Variants in NKX6-3 observed in about 807,000 individuals in gnomAD.
The protein encoded by NKX6-3 is NK6 homeobox 3, also known as homeobox protein Nkx-6.3.
Under a neutral mutation model 22.0 loss-of-function variants are expected in NKX6-3, and 17 were observed. That is an observed-to-expected ratio of 0.77 (90% CI 0.53 to 1.16). The LOEUF is 1.16. Ranked by LOEUF, NKX6-3 falls within the 50% of genes most tolerant of loss-of-function variation. The probability of loss-of-function intolerance (pLI) is 0.00; values close to 1 mark genes in which losing one functional copy is unlikely to be tolerated. For synonymous variants in NKX6-3, 177 were observed against 167.2 expected (o/e 1.06, Z -0.45); for missense variants, 363 against 359.0 (o/e 1.01, Z -0.09).
In NKX6-3 at chr8:41,646,409, C is replaced by A. The variant is rs535749736; in HGVS notation, c.*40G>T. The A allele has an allele frequency of 3.2e-6, 5 of 1,555,808 alleles. No individual in the cohort carries two copies. The highest frequency in any genetic ancestry group is 4.3e-6 in the Non-Finnish European group (5 of 1,155,800). ...GAAGGTAGGCTCCTCGGCGTCCCCC[C>A]GCAGGCTGCAGCCAGGATCCCGGGC... On this transcript the variant is annotated 3_prime_UTR_variant, in exon 3 of 3. Coordinates refer to ENST00000518699, the MANE Select transcript of NKX6-3 (RefSeq NM_001364841.2).
chr8:41,646,810 C>G, intron 2 of NKX6-3, 116 bp from the exon 3 acceptor site: 2 of 1,391,702 alleles, frequency 1.4e-6, no homozygotes, highest in Non-Finnish European at 1.9e-6. Context: ...CTGTCACATT[C>G]ACGTTTCTGT....
chr8:41,650,062 C>T, intron 1 of NKX6-3, 49 bp downstream of exon 1: 11 of 1,495,978 alleles, frequency 7.4e-6, no homozygotes, highest in Non-Finnish European at 9.8e-6. Context: ...CCTCTGCCCC[C>T]CGGGGCCTGG....
rs552914821 is a variant in NKX6-3 at position 41,650,402 on chromosome 8, C to G, written c.91G>C (p.Val31Leu). 6.5e-7 allele frequency: 1 copy of G among 1,535,696 alleles called. No individual in the cohort carries two copies. Among genetic ancestry groups the G allele is most frequent in the Admixed American group, 2.0e-5 (1 of 50,976 alleles). The change falls in exon 1 of 3, where the codon GTG becomes CTG. Residue 31 changes from valine (V) to leucine (L), a missense_variant. This residue lies in a region of NKX6-3 where 175 missense variants were observed against 160.9 expected (regional missense o/e 1.09). Transcript: ENST00000518699. ...EMKAPVCQYS[V>L]QNSFYKLSPP... Reference sequence around the variant, plus strand: ...CTGAGCTTGTAGAAGGAGTTCTGCACAGAGTACTGGCACACCGGGGCCTTC... The same window carrying G: ...CTGAGCTTGTAGAAGGAGTTCTGCAGAGAGTACTGGCACACCGGGGCCTTC...
At chr8:41,649,639 C>T (rs560582882) in intron 1 of NKX6-3, among the ~76,000 whole-genome samples, 300 of 152,198 alleles carry the variant, frequency 2.0e-3, no homozygotes, top group Non-Finnish European at 3.1e-3. Context: ...AGGCTGGACC[C>T]GGATGGGGTC....
chr8:41,647,371 C>T (rs780292486), intron 2 of NKX6-3: 38 of 1,541,420 alleles, frequency 2.5e-5, no homozygotes, highest in Non-Finnish European at 3.2e-5. Context: ...GGCCCGTCGC[C>T]GAGTCACTGA....
chr8:41,646,931 CCCTCCCCCTCCCCTCCCCCT>C (rs1350262286), intron 2 of NKX6-3, among the ~76,000 whole-genome samples: 53 of 26,986 alleles, frequency 2.0e-3, no homozygotes, highest in African/African-American at 8.2e-3. Context: ...CTCTCCCTCC[CCCTCCCCCTCCCCTCCCCCT>C]CCCCCTCCCC....
At chr8:41,647,434 G>T (rs571571957) in intron 2 of NKX6-3, 16 of 1,393,510 alleles carry the variant, frequency 1.1e-5, no homozygotes, top group Admixed American at 3.0e-5. Flanking sequence ...GGTAGAAACC[G>T]GTTTCCCCGG....
chr8:41,650,464 A>G lies in NKX6-3; in HGVS notation c.29T>C (p.Leu10Pro). 6.5e-7 allele frequency: 1 copy of G among 1,535,678 alleles called. No homozygotes were observed. The highest frequency in any genetic ancestry group is 1.4e-5 in the African/African-American group (1 of 73,146). ...CTGAGCCAGCGGCGTGTTGTTCAGC[A>G]GGAACGTCCCCTGCAGGTTGGACTC... is the stretch of plus-strand genomic sequence containing the variant. MESNLQGTF[L>P]LNNTPLAQFP... The change falls in exon 1 of 3, where the codon CTG becomes CCG. Residue 10 changes from leucine (L) to proline (P), a missense_variant. By Grantham distance (98) the Leu-to-Pro change is moderately conservative (BLOSUM62 -3). Coordinates refer to ENST00000518699, the MANE Select transcript of NKX6-3 (RefSeq NM_001364841.2).
chr8:41,650,620 C>G lies in NKX6-3; in HGVS notation c.-128G>C, dbSNP rs972102793. ...CTCCGAGCTCCTGACTGCCTCCCACCTAAGGCATGGGCCAGGCCCTGGCCC... is the reference window on the plus strand; with the variant it reads ...CTCCGAGCTCCTGACTGCCTCCCACGTAAGGCATGGGCCAGGCCCTGGCCC... On this transcript the variant is annotated 5_prime_UTR_variant, in exon 1 of 3. The change abolishes the stop of an existing upstream ORF in the 5' untranslated region. Transcript: ENST00000518699. The G allele has an allele frequency of 2.4e-5, 23 of 975,716 alleles. No individual in the cohort carries two copies. In the African/African-American group the frequency reaches 3.5e-4, roughly 15 times the overall value. 60.4% of individuals were successfully genotyped at this position (975,716 alleles called of 1,614,324 possible).
At chr8:41,648,013 T>C in intron 2 of NKX6-3, 53 bp downstream of exon 2, 1 of 1,467,878 alleles carries the variant, frequency 6.8e-7, no homozygotes, top group Non-Finnish European at 9.1e-7. Flanking sequence ...AGTGGCCTCC[T>C]GTCCGGCAGG....
At position 41,650,141 on chromosome 8, in the gene NKX6-3, CT is replaced by C. The variant is rs1345553392; in HGVS notation, c.351del (p.Asp118ThrfsTer15). On this transcript the variant is annotated frameshift_variant, in exon 1 of 3. Coordinates refer to ENST00000518699, the MANE Select transcript of NKX6-3 (RefSeq NM_001364841.2). LOFTEE classifies it high-confidence loss of function. ...CTGCACTGCCGCCCGCCTCGCCAGT[CT>C]TGGCCCGTGTCCGCCCAGCAGTTCC... ...RTRNCWADTG[Q>X]DWRGGRQCSN... 2 of 1,535,560 alleles carry C rather than the reference CT, an allele frequency of 1.3e-6. No homozygotes were observed. The highest frequency in any genetic ancestry group is 2.7e-5 in the African/African-American group (2 of 73,130).
intron 2 of NKX6-3, 99 bp from the exon 3 acceptor site, chr8:41,646,793 G>T: frequency 6.9e-7 from 1 of 1,444,422 alleles, no homozygotes; most frequent in East Asian, 2.5e-5. Flanking sequence ...GCTCAACAAC[G>T]GAGTGACTGT....
intron 1 of NKX6-3, among the ~76,000 whole-genome samples, chr8:41,649,247 T>G (rs1804267267): frequency 6.6e-6 from 1 of 152,022 alleles, no homozygotes; most frequent in South Asian, 2.1e-4. Flanking sequence ...GGGGGACAGG[T>G]GTGCTTTTGG....
At chr8:41,648,001 G>T (rs756568087) in intron 2 of NKX6-3, 65 bp downstream of exon 2, 9 of 1,419,992 alleles carry the variant, frequency 6.3e-6, no homozygotes, top group Non-Finnish European at 8.5e-6. Context: ...TCTCTCCAAC[G>T]CAGTGGCCTC....
chr8:41,648,170 G>C lies in NKX6-3; in HGVS notation c.448C>G (p.Gln150Glu). 1.3e-6 allele frequency: 2 copies of C among 1,538,574 alleles called. No homozygotes were observed. Among genetic ancestry groups the C allele is most frequent in the Non-Finnish European group, 1.7e-6 (2 of 1,146,888 alleles). Reference protein sequence around the residue: ...KHTRPTFTGHQIFALEKTFEQ... With the variant: ...KHTRPTFTGHEIFALEKTFEQ... ...AAGGTTTTCTCCAGGGCAAAGATCTGGTGCCCCGTGAAGGTGGGCCGGGTG... is the reference window on the plus strand; with the variant it reads ...AAGGTTTTCTCCAGGGCAAAGATCTCGTGCCCCGTGAAGGTGGGCCGGGTG... Residue 150 changes from glutamine (Q) to glutamate (E), a missense_variant, in exon 2 of 3, where the codon CAG becomes GAG. Physicochemically the swap from Gln to Glu is conservative, Grantham distance 29. Coordinates refer to ENST00000518699, the MANE Select transcript of NKX6-3 (RefSeq NM_001364841.2).
intron 1 of NKX6-3, among the ~76,000 whole-genome samples, chr8:41,649,754 G>A (rs1287034169): frequency 6.6e-6 from 1 of 152,196 alleles, no homozygotes; most frequent in Non-Finnish European, 1.5e-5. Flanking sequence ...TGAAGAAGTG[G>A]TTGCATGGGC....
Position 41,646,616 on chromosome 8 carries a change from C to G in NKX6-3, c.631G>C (p.Gly211Arg). The change falls in exon 3 of 3, where the codon GGC becomes CGC. Residue 211 changes from glycine to arginine, a missense_variant. Gly to Arg is a moderately radical substitution (Grantham distance 125). Transcript: ENST00000518699. ...EPSSSTPRAP[G>R]GAGAGAGGDR... ...CCGCCTGCGCCTGCACCCGCGCCGC[C>G]CGGGGCCCGGGGCGTGGAGGACGAG... is the stretch of plus-strand genomic sequence containing the variant. The G allele has an allele frequency of 1.7e-5, 27 of 1,558,680 alleles. 1 individual carries two copies. The highest frequency in any genetic ancestry group is 2.3e-5 in the Non-Finnish European group (26 of 1,152,248).
In NKX6-3 at chr8:41,646,441, G is replaced by A. The variant is rs750584945; in HGVS notation, c.*8C>T. The stretch of plus-strand genomic sequence containing the variant: ...TGCAGCCAGGATCCCGGGCCTGGAC[G>A]GCGGGCGTCAGACGCTGTGCGCTCC... On this transcript the variant is annotated 3_prime_UTR_variant, in exon 3 of 3. Transcript: ENST00000518699. 6.3e-7 allele frequency: 1 copy of A among 1,587,062 alleles called. No homozygotes were observed.
intron 2 of NKX6-3, among the ~76,000 whole-genome samples, chr8:41,647,636 C>G (rs1376093995): frequency 1.3e-5 from 2 of 152,130 alleles, no homozygotes; most frequent in Non-Finnish European, 2.9e-5. Flanking sequence ...ACTGGAGCAT[C>G]AAGCATGAAT....
Sources: allele counts gnomAD v4.1 joint callset (sites outside exome capture counted in the v4.1 genomes callset), GRCh38; gene constraint gnomAD v4.1.1; regional missense constraint gnomAD v4.1.1; transcripts MANE v1.5; gene names NCBI Gene and HGNC (gene_info 2026-07-23, HGNC 2026-07-21).